CSMD3: variants seen among roughly 807,000 people sequenced by gnomAD.
CSMD3 encodes the protein CUB and sushi domain-containing protein 3.
CSMD3 carries 177 observed loss-of-function variants against 435.2 expected under a neutral mutation model. That is an observed-to-expected ratio of 0.41 (90% CI 0.36 to 0.46). The LOEUF (loss-of-function observed/expected upper bound fraction) is 0.46. Ranked by LOEUF, CSMD3 falls within the 20% of genes least tolerant of loss-of-function variation. The pLI is 0.34. For synonymous variants in CSMD3, 1,656 were observed against 1,520.5 expected (o/e 1.09, Z -2.07); for missense variants, 4,265 against 4,504.6 (o/e 0.95, Z 1.52).
intron 1 of CSMD3, among the ~76,000 whole-genome samples, chr8:113,375,293 A>G (rs574884807): frequency 6.6e-6 from 1 of 152,312 alleles, no homozygotes; most frequent in South Asian, 2.1e-4. Context: ...ATAACATATA[A>G]TGATGTCCAT....
chr8:112,359,079 T>C (rs918228994), intron 38 of CSMD3, among the ~76,000 whole-genome samples: 1 of 152,312 alleles, frequency 6.6e-6, no homozygotes, highest in African/African-American at 2.4e-5. Flanking sequence ...TAAAAACTTT[T>C]CATCTTCATT....
At chr8:112,286,217 A>G (rs539324478) in intron 58 of CSMD3, among the ~76,000 whole-genome samples, 7 of 152,276 alleles carry the variant, frequency 4.6e-5, no homozygotes, top group African/African-American at 1.4e-4. Flanking sequence ...TGTTAGGGTA[A>G]GAATAACCTA....
intron 19 of CSMD3, 133 bp downstream of exon 19, chr8:112,650,028 T>C: frequency 1.4e-6 from 1 of 689,834 alleles, no homozygotes; most frequent in Non-Finnish European, 2.5e-6. Context: ...TTTGATAACA[T>C]AAATTTGCCA....
At chr8:113,049,142 G>A (rs1413823739) in intron 5 of CSMD3, among the ~76,000 whole-genome samples, 2 of 152,100 alleles carry the variant, frequency 1.3e-5, no homozygotes, top group Non-Finnish European at 2.9e-5. Context: ...AGGAGGGTGA[G>A]GCAGGAGAAT....
intron 53 of CSMD3, 49 bp from the exon 54 acceptor site, chr8:112,296,055 T>A: frequency 6.9e-7 from 1 of 1,456,180 alleles, no homozygotes; most frequent in South Asian, 1.2e-5. Flanking sequence ...TTTGTTTTAT[T>A]TGTATATTTA....
chr8:113,283,945 G>A (rs150774893), intron 2 of CSMD3, among the ~76,000 whole-genome samples: 1,925 of 152,228 alleles, frequency 0.013, 19 homozygotes, highest in Non-Finnish European at 0.021. Context: ...CAGTGACCTG[G>A]ATGAGACTGG....
intron 4 of CSMD3, among the ~76,000 whole-genome samples, chr8:113,127,779 C>A (rs1388217516): frequency 6.6e-6 from 1 of 152,102 alleles, no homozygotes; most frequent in Middle Eastern, 3.2e-3. Context: ...ATGTTGACTA[C>A]ATTTGGATCA....
intron 16 of CSMD3, among the ~76,000 whole-genome samples, chr8:112,675,261 A>G (rs903486153): frequency 1.3e-5 from 2 of 152,136 alleles, no homozygotes; most frequent in Non-Finnish European, 2.9e-5. Context: ...TATCCACAAG[A>G]AAAAGGCAAC....
At chr8:112,546,810 G>T (rs1827221356) in intron 27 of CSMD3, among the ~76,000 whole-genome samples, 1 of 152,136 alleles carries the variant, frequency 6.6e-6, no homozygotes, top group African/African-American at 2.4e-5. Flanking sequence ...ATAACACCAA[G>T]AGATAAAGCA....
Position 112,304,587 on chromosome 8 carries a change from C to T in CSMD3, c.8266+134G>A, listed in dbSNP as rs539260406. 162 of 703,956 alleles carry T rather than the reference C, an allele frequency of 2.3e-4. No individual in the cohort carries two copies. The East Asian group carries it at 3.8e-3, about 17-fold the overall frequency. The allele number at this position is 703,956 out of a possible 1,614,324, so 43.6% of individuals were successfully genotyped here. On this transcript the variant is annotated intron_variant, in intron 52 of 70. Transcript: ENST00000297405. Reference sequence around the variant, plus strand: ...GAAACATAGTTAGAAAATTTAAAAACGTAACGAGAATAAATGACCATATTA... The same window carrying T: ...GAAACATAGTTAGAAAATTTAAAAATGTAACGAGAATAAATGACCATATTA...
chr8:112,884,423 G>T (rs903031724), intron 10 of CSMD3, among the ~76,000 whole-genome samples: 1 of 151,566 alleles, frequency 6.6e-6, no homozygotes, highest in African/African-American at 2.4e-5. Context: ...GATTCATGTA[G>T]GGTTTTTCGG....
At chr8:112,786,263 T>C (rs1338381523) in intron 13 of CSMD3, among the ~76,000 whole-genome samples, 1 of 152,050 alleles carries the variant, frequency 6.6e-6, no homozygotes, top group Non-Finnish European at 1.5e-5. Flanking sequence ...TCTCTTGCCA[T>C]AGGCATAAAA....
In CSMD3 at chr8:113,015,784, A is replaced by T. The variant is rs2086433282; in HGVS notation, c.1030+3283T>A. On this transcript the variant is annotated intron_variant, in intron 6 of 70. Transcript: ENST00000297405. ...ATCTAAAACTCCCCTTCCAATTTAA[A>T]AAATAAGTAAATATGACAATGTATT... Among the ~76,000 whole-genome samples, 7 of 151,874 alleles carry T rather than the reference A, an allele frequency of 4.6e-5. No individual in the cohort carries two copies. In the South Asian group the frequency reaches 1.4e-3, roughly 31 times the overall value.
chr8:113,074,131 GCA>G (rs1400015858), intron 5 of CSMD3, among the ~76,000 whole-genome samples: 2 of 149,672 alleles, frequency 1.3e-5, no homozygotes, highest in Admixed American at 1.4e-4. Flanking sequence ...TCTTAAATGT[GCA>G]GTCTCCAAAA....
intron 13 of CSMD3, among the ~76,000 whole-genome samples, chr8:112,716,537 T>C (rs898567086): frequency 2.0e-5 from 3 of 152,240 alleles, no homozygotes; most frequent in Admixed American, 6.5e-5. Context: ...CCCATCAAAC[T>C]ACCATTGACA....
chr8:112,252,734 G>A (rs1433868567), intron 63 of CSMD3, among the ~76,000 whole-genome samples: 1 of 148,888 alleles, frequency 6.7e-6, no homozygotes, highest in Non-Finnish European at 1.5e-5. Flanking sequence ...CCATATGCAT[G>A]TAAGAAAGCC....
At chr8:112,230,765 C>T (rs1370647945) in intron 69 of CSMD3, among the ~76,000 whole-genome samples, 4 of 151,912 alleles carry the variant, frequency 2.6e-5, no homozygotes, top group Non-Finnish European at 5.9e-5. Context: ...TGAGCCAAGA[C>T]TGTGCCATTG....
intron 1 of CSMD3, among the ~76,000 whole-genome samples, chr8:113,423,550 G>A (rs189908527): frequency 1.4e-3 from 212 of 152,016 alleles, no homozygotes; most frequent in African/African-American, 4.8e-3. Context: ...GTTTATGGTT[G>A]TTTCTTTGTA....
At chr8:112,296,801 A>T (rs968916652) in intron 53 of CSMD3, among the ~76,000 whole-genome samples, 6 of 151,920 alleles carry the variant, frequency 3.9e-5, no homozygotes, top group African/African-American at 1.4e-4. Flanking sequence ...TAAGTTAAAA[A>T]TTCTTTCTCT....
Sources: allele counts gnomAD v4.1 joint callset (sites outside exome capture counted in the v4.1 genomes callset), GRCh38; gene constraint gnomAD v4.1.1; transcripts MANE v1.5; gene names NCBI Gene and HGNC (gene_info 2026-07-23, HGNC 2026-07-21).